The following ANKRD36C variants were observed in gnomAD, a reference collection of about 807,000 sequenced individuals.
The protein encoded by ANKRD36C is ankyrin repeat domain-containing protein 36C.
In ANKRD36C, 61 loss-of-function variants were observed where a neutral mutation model predicts 276.4. The observed-to-expected ratio is 0.22, with a 90% CI of 0.18 to 0.27. The LOEUF (loss-of-function observed/expected upper bound fraction) is 0.27. ANKRD36C is among the 10% of genes least tolerant of loss of function. ANKRD36C has a pLI of 1.00. For synonymous variants in ANKRD36C, 483 were observed against 680.1 expected (o/e 0.71, Z 4.51); for missense variants, 1,447 against 2,032.3 (o/e 0.71, Z 5.54).
intron 8 of ANKRD36C, 60 bp from the exon 9 acceptor site, chr2:95,960,727 T>G (rs377377153): frequency 1.4e-6 from 1 of 692,438 alleles, no homozygotes; most frequent in South Asian, 2.0e-5. Flanking sequence ...TTATCCATAC[T>G]TTCATGCAGT....
downstream of ANKRD36C, among the ~76,000 whole-genome samples, chr2:95,850,041 C>T (rs1458297093): frequency 6.6e-6 from 1 of 152,194 alleles, no homozygotes; most frequent in Non-Finnish European, 1.5e-5. Context: ...AATGATTTCA[C>T]AGTTAACTAA....
In ANKRD36C at chr2:95,851,690, T is replaced by C. The variant is rs1292410912; in HGVS notation, c.5313+4A>G. The C allele has an allele frequency of 1.3e-6, 2 of 1,481,646 alleles. No individual in the cohort carries two copies. Among genetic ancestry groups the C allele is most frequent in the African/African-American group, 2.8e-5 (2 of 71,960 alleles). The allele number at this position is 1,481,646 out of a possible 1,614,324, so 91.8% of individuals were successfully genotyped here. ...GTATGACAGAAATTAAGAAATCAGC[T>C]TACCAAACTTGAATGCTGCAGGATT... On this transcript the variant is annotated splice_donor_region_variant and intron_variant, in intron 66 of 66. Coordinates refer to ENST00000456556, the Ensembl canonical transcript of ANKRD36C.
At chr2:95,894,090 C>T (rs1262246673) in intron 44 of ANKRD36C, 44 of 300,450 alleles carry the variant, frequency 1.5e-4, no homozygotes, top group Middle Eastern at 1.0e-3. Context: ...CATGATCCCA[C>T]ATTTCTTTCA....
At chr2:95,896,481 C>T (rs1676554624) in intron 44 of ANKRD36C, among the ~76,000 whole-genome samples, 1 of 149,896 alleles carries the variant, frequency 6.7e-6, no homozygotes, top group Admixed American at 6.6e-5. Context: ...AAAGAAGTCT[C>T]ATTAAATAGC....
chr2:95,855,910 C>G (rs1675401535), exon 63 of ANKRD36C: 1 of 1,613,760 alleles, frequency 6.2e-7, no homozygotes, highest in Non-Finnish European at 8.5e-7. Flanking sequence ...CTTTGCTTCT[C>G]CAGTTTAGAA....
At chr2:95,910,549 T>G (rs760462569) in intron 42 of ANKRD36C, 69 of 1,606,552 alleles carry the variant, frequency 4.3e-5, no homozygotes, top group Non-Finnish European at 5.4e-5. Flanking sequence ...CCTTCAAGGC[T>G]GGTGGTTTCT....
At chr2:95,879,951 C>T (rs1217250001) in intron 58 of ANKRD36C, among the ~76,000 whole-genome samples, 4 of 141,914 alleles carry the variant, frequency 2.8e-5, no homozygotes, top group South Asian at 4.9e-4. Context: ...GAGGGCGAGG[C>T]GGGAGGATCA....
intron 60 of ANKRD36C, among the ~76,000 whole-genome samples, chr2:95,862,542 C>T (rs947867869): frequency 5.3e-5 from 8 of 151,338 alleles, no homozygotes; most frequent in African/African-American, 1.9e-4. Context: ...TACTTGAATA[C>T]AAATTTTTAG....
At chr2:95,988,905 C>A (rs2104548091) in intron 1 of ANKRD36C, among the ~76,000 whole-genome samples, 1 of 152,248 alleles carries the variant, frequency 6.6e-6, no homozygotes, top group East Asian at 1.9e-4. Flanking sequence ...CAGTGGCTCA[C>A]ACCTGTAATC....
chr2:95,890,290 G>A (rs1416854836), intron 46 of ANKRD36C, among the ~76,000 whole-genome samples: 1 of 151,516 alleles, frequency 6.6e-6, no homozygotes, highest in Non-Finnish European at 1.5e-5. Flanking sequence ...AGGACAAAGT[G>A]ATCTAAAATC....
At chr2:95,953,096 C>T (rs1016411032) in intron 14 of ANKRD36C, among the ~76,000 whole-genome samples, 1 of 152,078 alleles carries the variant, frequency 6.6e-6, no homozygotes, top group African/African-American at 2.4e-5. Flanking sequence ...GTTTATCAAA[C>T]AGGTTATTTA....
chr2:95,967,989 G>A (rs1678626478), intron 6 of ANKRD36C, among the ~76,000 whole-genome samples: 2 of 152,132 alleles, frequency 1.3e-5, no homozygotes, highest in South Asian at 4.2e-4. Flanking sequence ...CTACTCGGGA[G>A]GCCGAAACAT....
At chr2:95,973,405 C>T (rs1209575721) in intron 6 of ANKRD36C, among the ~76,000 whole-genome samples, 1 of 151,364 alleles carries the variant, frequency 6.6e-6, no homozygotes, top group East Asian at 1.9e-4. Context: ...GAGCGAGACT[C>T]AGTCTCAAAA....
rs1319747619 is a variant in ANKRD36C, at chr2:95,859,976, G to A, written c.3781C>T (p.Arg1261Ter). 9 of 1,548,436 alleles carry A rather than the reference G, an allele frequency of 5.8e-6. No individual in the cohort carries two copies. The highest frequency in any genetic ancestry group is 2.4e-5 in the South Asian group (2 of 83,986). ...ACACTAGCCTTATTTTTCAGTTTTC[G>A]AATTTTTACTCTAAGTTGCTCACAG... is the stretch of plus-strand genomic sequence containing the variant. Residue 1261 changes from arginine to a stop codon, truncating the protein, a stop_gained, in exon 61 of 67, where the codon CGA becomes TGA. Transcript: ENST00000456556. LOFTEE classifies it high-confidence loss of function.
rs989225870 is a variant in ANKRD36C at position 95,893,857 on chromosome 2, G to A, written c.2756-1997C>T. On this transcript the variant is annotated intron_variant, in intron 44 of 66. Transcript: ENST00000456556. ...TAGGCTTTAATGGCTTCTACTTTGTGTCTGGGGACTAGAACATGACAGAAA... is the reference window on the plus strand; with the variant it reads ...TAGGCTTTAATGGCTTCTACTTTGTATCTGGGGACTAGAACATGACAGAAA... 7.4e-6 allele frequency: 11 copies of A among 1,479,642 alleles called. No individual in the cohort carries two copies. In the African/African-American group the frequency reaches 8.4e-5, roughly 11 times the overall value. The allele number at this position is 1,479,642 out of a possible 1,614,324, so 91.7% of individuals were successfully genotyped here.
intron 8 of ANKRD36C, 50 bp downstream of exon 8, chr2:95,962,302 T>C: frequency 6.5e-7 from 1 of 1,528,172 alleles, no homozygotes; most frequent in Non-Finnish European, 8.8e-7. Flanking sequence ...GGAACAGCAG[T>C]TCCCTTCTAT....
At chr2:95,881,310 A>G (rs1676072761) in intron 56 of ANKRD36C, among the ~76,000 whole-genome samples, 1 of 152,214 alleles carries the variant, frequency 6.6e-6, no homozygotes, top group South Asian at 2.1e-4. Context: ...AAACCCCATC[A>G]AAAAGTATAA....
intron 24 of ANKRD36C, among the ~76,000 whole-genome samples, chr2:95,930,635 A>G (rs1007690457): frequency 2.0e-5 from 3 of 151,252 alleles, no homozygotes; most frequent in African/African-American, 7.3e-5. Flanking sequence ...ATAAATAACC[A>G]ACCAATATGA....
At chr2:95,945,657 G>C (rs1678028201) in intron 17 of ANKRD36C, among the ~76,000 whole-genome samples, 1 of 152,130 alleles carries the variant, frequency 6.6e-6, no homozygotes, top group African/African-American at 2.4e-5. Context: ...TATTCTGTGT[G>C]TCAAAAGCTA....
Sources: gnomAD v4.1 joint callset for allele counts (sites outside exome capture counted in the v4.1 genomes callset) on GRCh38, gnomAD v4.1.1 for gene constraint, MANE v1.5 for transcripts, NCBI Gene and HGNC (gene_info 2026-07-23, HGNC 2026-07-21) for gene names.